Variants in LRRC4C observed in about 807,000 individuals in gnomAD.
The protein encoded by LRRC4C is leucine rich repeat containing 4C.
A neutral mutation model predicts 33.6 loss-of-function variants in LRRC4C; 5 were observed. The ratio of observed to expected loss-of-function variants is 0.15; its 90% CI spans 0.08 to 0.31. The LOEUF (loss-of-function observed/expected upper bound fraction) is 0.31, where lower values mean the gene tolerates loss of function less well. Ranked by LOEUF, LRRC4C falls within the 10% of genes least tolerant of loss-of-function variation. The pLI is 1.00. For synonymous variants in LRRC4C, 329 were observed against 302.0 expected (o/e 1.09, Z -0.93); for missense variants, 560 against 796.7 (o/e 0.70, Z 3.58).
chr11:41,009,005 A>C (rs2137497407), intron 1 of LRRC4C, among the ~76,000 whole-genome samples: 1 of 152,234 alleles, frequency 6.6e-6, no homozygotes, highest in South Asian at 2.1e-4. Flanking sequence ...AACAGAAAGT[A>C]GAATTTAAAA....
At chr11:40,518,279 G>C (rs1028687803) in intron 3 of LRRC4C, among the ~76,000 whole-genome samples, 1 of 152,118 alleles carries the variant, frequency 6.6e-6, no homozygotes, top group African/African-American at 2.4e-5. Flanking sequence ...TTAAACTAAA[G>C]AGCTTCTGCA....
intron 5 of LRRC4C, among the ~76,000 whole-genome samples, chr11:40,191,644 GT>G (rs1200178404): frequency 6.6e-6 from 1 of 152,178 alleles, no homozygotes; most frequent in Non-Finnish European, 1.5e-5. Flanking sequence ...ATTCTCTAAA[GT>G]TTTTAATAAT....
At chr11:40,630,383 C>A (rs1296822967) in intron 3 of LRRC4C, among the ~76,000 whole-genome samples, 1 of 120,784 alleles carries the variant, frequency 8.3e-6, no homozygotes, top group Non-Finnish European at 1.8e-5. Flanking sequence ...TCTTCTTCTT[C>A]TTCTTCTTTT....
At chr11:40,348,058 A>G (rs932859751) in intron 3 of LRRC4C, among the ~76,000 whole-genome samples, 1 of 152,210 alleles carries the variant, frequency 6.6e-6, no homozygotes, top group Non-Finnish European at 1.5e-5. Context: ...TCTGGATTAA[A>G]TGTGTTATAT....
intron 1 of LRRC4C, among the ~76,000 whole-genome samples, chr11:41,100,477 G>T (rs1315582799): frequency 6.6e-6 from 1 of 152,064 alleles, no homozygotes; most frequent in African/African-American, 2.4e-5. Context: ...TGAGACAGAA[G>T]AATTGCTTGA....
intron 3 of LRRC4C, among the ~76,000 whole-genome samples, chr11:40,423,234 T>C (rs1041629138): frequency 2.0e-5 from 3 of 152,098 alleles, no homozygotes; most frequent in Non-Finnish European, 4.4e-5. Context: ...ATGTGCATCA[T>C]GTCTGTAGTC....
chr11:40,246,571 G>A (rs1294849927), intron 4 of LRRC4C, among the ~76,000 whole-genome samples: 2 of 152,088 alleles, frequency 1.3e-5, no homozygotes, highest in Non-Finnish European at 2.9e-5. Flanking sequence ...ACAGAAGCAT[G>A]TGGTCTCCAT....
chr11:40,184,466 G>A (rs1264504524), intron 5 of LRRC4C, among the ~76,000 whole-genome samples: 1 of 152,012 alleles, frequency 6.6e-6, no homozygotes, highest in African/African-American at 2.4e-5. Flanking sequence ...AGAAAACAAG[G>A]GAATAATCAC....
chr11:41,045,997 G>T, intron 1 of LRRC4C, among the ~76,000 whole-genome samples: 1 of 151,964 alleles, frequency 6.6e-6, no homozygotes, highest in Admixed American at 6.6e-5. Flanking sequence ...GACCTAAAAA[G>T]AACAGAGAAC....
chr11:41,317,663 C>T lies in LRRC4C; in HGVS notation c.-496+141768G>A, dbSNP rs141394276. Among the ~76,000 whole-genome samples the T allele has an allele frequency of 2.4e-3, 363 of 151,802 alleles. 1 individual carries two copies. The highest frequency in any genetic ancestry group is 8.2e-3 in the African/African-American group (340 of 41,380). On this transcript the variant is annotated intron_variant, in intron 1 of 6. Coordinates refer to ENST00000528697, the MANE Select transcript of LRRC4C (RefSeq NM_001258419.2). ...TCATCATTCAGTAATACTAAGGACCCGTCATTTGGAGGAACAAGGGGCTGC... is the reference window on the plus strand; with the variant it reads ...TCATCATTCAGTAATACTAAGGACCTGTCATTTGGAGGAACAAGGGGCTGC...
In LRRC4C at chr11:40,170,627, T is replaced by C. The variant is rs549814086; in HGVS notation, c.-95-29774A>G. ...GTACAACAAAAAGAATGCTAATGTC[T>C]TGCTCAAATCTTGAGAAATCCAAGG... On this transcript the variant is annotated intron_variant, in intron 5 of 6. Coordinates refer to ENST00000528697, the MANE Select transcript of LRRC4C (RefSeq NM_001258419.2). Among the ~76,000 whole-genome samples the C allele has an allele frequency of 2.6e-5, 4 of 152,344 alleles. 1 individual carries two copies. The South Asian group carries it at 8.3e-4, about 32-fold the overall frequency.
intron 1 of LRRC4C, among the ~76,000 whole-genome samples, chr11:41,422,963 G>A (rs1051789181): frequency 1.3e-5 from 2 of 151,912 alleles, no homozygotes; most frequent in African/African-American, 4.8e-5. Flanking sequence ...TTTCATCATT[G>A]GAAATACATT....
intron 3 of LRRC4C, among the ~76,000 whole-genome samples, chr11:40,477,618 C>A (rs1355321435): frequency 6.6e-6 from 1 of 150,662 alleles, no homozygotes; most frequent in African/African-American, 2.4e-5. Context: ...TTTTCTTTTT[C>A]CCTTATATTG....
chr11:40,160,226 G>A (rs1039146487), intron 5 of LRRC4C, among the ~76,000 whole-genome samples: 1 of 151,790 alleles, frequency 6.6e-6, no homozygotes, highest in Non-Finnish European at 1.5e-5. Context: ...ACTTTTAAGT[G>A]AAGTTGTGGG....
intron 1 of LRRC4C, among the ~76,000 whole-genome samples, chr11:41,283,500 G>T (rs1323765724): frequency 6.6e-6 from 1 of 152,094 alleles, no homozygotes; most frequent in East Asian, 1.9e-4. Flanking sequence ...ACTTTTGAGT[G>T]GTTGAAAAAA....
intron 2 of LRRC4C, among the ~76,000 whole-genome samples, chr11:40,838,368 A>G (rs1952769309): frequency 6.6e-6 from 1 of 152,152 alleles, no homozygotes; most frequent in Non-Finnish European, 1.5e-5. Context: ...GTCTCTCAGA[A>G]TATCTTCTTC....
In LRRC4C at chr11:40,820,960, G is replaced by T. The variant is rs183150751; in HGVS notation, c.-407+112675C>A. ...ACAAACAAAGAAGTAAAATAACTTTGCAAAATACAAAGTCAATATACAAAA... is the reference window on the plus strand; with the variant it reads ...ACAAACAAAGAAGTAAAATAACTTTTCAAAATACAAAGTCAATATACAAAA... On this transcript the variant is annotated intron_variant, in intron 2 of 6. Coordinates refer to ENST00000528697, the MANE Select transcript of LRRC4C (RefSeq NM_001258419.2). Among the ~76,000 whole-genome samples the T allele has an allele frequency of 7.4e-3, 1,121 of 151,706 alleles. 13 individuals are homozygous for T. Among genetic ancestry groups the T allele is most frequent in the African/African-American group, 0.025 (1,051 of 41,472 alleles).
chr11:40,612,175 TG>T (rs1195806731), intron 3 of LRRC4C, among the ~76,000 whole-genome samples: 3 of 151,894 alleles, frequency 2.0e-5, no homozygotes, highest in Non-Finnish European at 4.4e-5. Context: ...AAAGAAAATG[TG>T]GTATATACAT....
chr11:40,962,762 C>T (rs930450095), intron 1 of LRRC4C, among the ~76,000 whole-genome samples: 13 of 151,662 alleles, frequency 8.6e-5, no homozygotes, highest in Admixed American at 1.3e-4. Flanking sequence ...GAACAACTCA[C>T]TCAGCTGAAT....
Sources: allele counts gnomAD v4.1 joint callset (sites outside exome capture counted in the v4.1 genomes callset), GRCh38; gene constraint gnomAD v4.1.1; transcripts MANE v1.5; gene names NCBI Gene and HGNC (gene_info 2026-07-23, HGNC 2026-07-21).